Variants in TTN observed in about 807,000 individuals in gnomAD.
The protein encoded by TTN is titin, also known as connectin.
Under a neutral mutation model 3,223.0 loss-of-function variants are expected in TTN, and 1,525 were observed. The ratio of observed to expected loss-of-function variants is 0.47; its 90% CI spans 0.45 to 0.49. TTN has a LOEUF of 0.49. Ranked by LOEUF, TTN falls within the 20% of genes least tolerant of loss-of-function variation. The pLI is 0.00. For synonymous variants in TTN, 14,094 were observed against 15,161.0 expected, an observed-to-expected ratio of 0.93 and a Z score of 5.17; for missense variants, 40,786 against 43,424.0, an observed-to-expected ratio of 0.94 and a Z score of 5.40.
chr2:178,747,848 A>G lies in TTN; in HGVS notation c.11311+5276T>C, dbSNP rs143310631. ...ACATTTTTCTTCTCCAGAGGCATGA[A>G]TGTTTGTACTTATTTGTTCACCTGG... On this transcript the variant is annotated intron_variant, in intron 47 of 362. Coordinates refer to ENST00000589042, the MANE Select transcript of TTN (RefSeq NM_001267550.2). 3.0e-5 allele frequency: 48 copies of G among 1,612,840 alleles called. No homozygotes were observed. Among genetic ancestry groups the G allele is most frequent in the Non-Finnish European group, 3.7e-5 (44 of 1,179,440 alleles).
At chr2:178,720,729 C>G in intron 79 of TTN, 66 bp from the exon 80 acceptor site, 3 of 1,465,606 alleles carry the variant, frequency 2.0e-6, no homozygotes, top group Non-Finnish European at 2.7e-6. Flanking sequence ...AAAATTAAAT[C>G]TAGAACCTTG....
chr2:178,663,627 C>G lies in TTN; in HGVS notation c.36532G>C (p.Val12178Leu). 6.2e-7 allele frequency: 1 copy of G among 1,613,706 alleles called. No individual in the cohort carries two copies. Among genetic ancestry groups the G allele is most frequent in the South Asian group, 1.1e-5 (1 of 91,064 alleles). Residue 12178 changes from valine (V) to leucine (L), a missense_variant and splice_region_variant, in exon 171 of 363, where the codon GTG becomes CTG. Physicochemically the swap from Val to Leu is conservative, Grantham distance 32. Transcript: ENST00000589042. ...PKEPEVPPVK[V>L]PEAPKEVVPE... ...GAAGCCTAAAATCAGTGACAAATAC[C>G]TTTAACAGGTGGGACTTCAGGCTCT... is the stretch of plus-strand genomic sequence containing the variant.
At position 178,580,002 on chromosome 2, in the gene TTN, A is replaced by G. The variant is rs879180662; in HGVS notation, c.67285T>C (p.Phe22429Leu). 2 of 1,613,322 alleles carry G rather than the reference A, an allele frequency of 1.2e-6. No individual in the cohort carries two copies. Among genetic ancestry groups the G allele is most frequent in the Non-Finnish European group, 8.5e-7 (1 of 1,179,506 alleles). Reference sequence around the variant, plus strand: ...CCAATGCCATACTCATTTTCAGCAAACACTCGGAAGAAGTAGGATTTTCCC... The same window carrying G: ...CCAATGCCATACTCATTTTCAGCAAGCACTCGGAAGAAGTAGGATTTTCCC... ...EEGKSYFFRV[F>L]AENEYGIGDP... Residue 22429 changes from phenylalanine (F) to leucine (L), a missense_variant, in exon 318 of 363, where the codon TTT becomes CTT. Transcript: ENST00000589042.
At chr2:178,630,724 G>A in intron 238 of TTN, 80 bp downstream of exon 238, 2 of 1,532,608 alleles carry the variant, frequency 1.3e-6, no homozygotes, top group Non-Finnish European at 1.8e-6. Context: ...TAAATGTCCT[G>A]CATCCACTCT....
Position 178,573,467 on chromosome 2 carries a change from G to C in TTN, c.72665C>G (p.Pro24222Arg). ...EPVLAVNPYGPPDPPKNPEVT... is the reference protein window; with the variant it reads ...EPVLAVNPYGRPDPPKNPEVT... ...TTCAGGGTTTTTGGGCGGATCAGGG[G>C]GTCCATAAGGATTCACTGCAAGCAC... is the stretch of plus-strand genomic sequence containing the variant. The change falls in exon 326 of 363, where the codon CCC becomes CGC. Residue 24222 changes from proline to arginine, a missense_variant. By Grantham distance (103) the Pro-to-Arg change is moderately radical. Coordinates refer to ENST00000589042, the MANE Select transcript of TTN (RefSeq NM_001267550.2). The C allele has an allele frequency of 6.6e-7, 1 of 1,508,582 alleles. No homozygotes were observed. 93.4% of individuals were successfully genotyped at this position (1,508,582 alleles called of 1,614,324 possible).
At position 178,636,607 on chromosome 2, in the gene TTN, T is replaced by C; in HGVS notation, c.41120A>G (p.Glu13707Gly). Residue 13707 changes from glutamate (E) to glycine (G), a missense_variant, in exon 225 of 363, where the codon GAA becomes GGA. Coordinates refer to ENST00000589042, the MANE Select transcript of TTN (RefSeq NM_001267550.2). This position sits in a 1 kb window ranked among gnomAD's most constrained non-coding sequence, Gnocchi z 4.3. ...SEFVGSSAIF[E>G]CLVSPSTAIT... ...TGCAGTGGAAGGGGAGACCAAACAT[T>C]CAAAGATTGCTGAAGAGCCAACGAA... is the stretch of plus-strand genomic sequence containing the variant. 1.9e-6 allele frequency: 3 copies of C among 1,613,424 alleles called. No homozygotes were observed. The highest frequency in any genetic ancestry group is 2.5e-6 in the Non-Finnish European group (3 of 1,179,588).
chr2:178,534,006 A>G lies in TTN; in HGVS notation c.102609T>C (p.Asp34203=), dbSNP rs879218563. ...ILYVKDITKL[D]DGTYRCKVVN... ...CTACTTTGCATCTGTAGGTACCATC[A>G]TCTAATTTGGTAATGTCTTTGACAT... The change falls in exon 358 of 363, where the codon GAT becomes GAC. Residue 34203 remains aspartate, a synonymous_variant. Transcript: ENST00000589042. 1.2e-6 allele frequency: 2 copies of G among 1,613,802 alleles called. No individual in the cohort carries two copies. Among genetic ancestry groups the G allele is most frequent in the Non-Finnish European group, 1.7e-6 (2 of 1,179,864 alleles).
At chr2:178,640,480 T>G in intron 221 of TTN, 61 bp downstream of exon 221, 1 of 1,401,974 alleles carries the variant, frequency 7.1e-7, no homozygotes, top group Non-Finnish European at 1.0e-6. Flanking sequence ...AGTGTAATGA[T>G]ATTTTAAATG....
Position 178,574,422 on chromosome 2 carries a change from C to T in TTN, c.71710G>A (p.Glu23904Lys), listed in dbSNP as rs267599038. 1.2e-6 allele frequency: 2 copies of T among 1,613,536 alleles called. No individual in the cohort carries two copies. The highest frequency in any genetic ancestry group is 1.7e-6 in the Non-Finnish European group (2 of 1,179,628). ...GGCTTACTTTTGCCTGCCATGTTTT[C>T]TGCAATCACCCGGAACTCATAAGCA... is the stretch of plus-strand genomic sequence containing the variant. ...GIAYEFRVIA[E>K]NMAGKSKPSK... Residue 23904 changes from glutamate to lysine, a missense_variant, in exon 326 of 363, where the codon GAA becomes AAA. Coordinates refer to ENST00000589042, the MANE Select transcript of TTN (RefSeq NM_001267550.2).
intron 1 of TTN, 85 bp from the exon 2 acceptor site, chr2:178,804,740 C>T: frequency 3.2e-6 from 4 of 1,241,026 alleles, no homozygotes; most frequent in Non-Finnish European, 4.7e-6. Context: ...ACACACGTTT[C>T]TCCAAATGGA....
rs760360294 is a variant in TTN at position 178,566,857 on chromosome 2, T to C, written c.79275A>G (p.Lys26425=). 1 of 1,613,512 alleles carries C rather than the reference T, an allele frequency of 6.2e-7. No individual in the cohort carries two copies. The highest frequency in any genetic ancestry group is 1.1e-5 in the South Asian group (1 of 91,076). The change falls in exon 326 of 363, where the codon AAA becomes AAG. Residue 26425 remains lysine (K), a synonymous_variant. Transcript: ENST00000589042. ...TCCATCGAATGCCACTTCTGTCTCT[T>C]TTCTCTACAATGTAACCAATAATCT... The part of the protein sequence containing the change: ...GSEIIGYIVE[K]RDRSGIRWIK...
intron 337 of TTN, 22 bp from the exon 338 acceptor site, chr2:178,549,891 G>T (rs770052057): frequency 6.5e-7 from 1 of 1,538,442 alleles, no homozygotes; most frequent in Non-Finnish European, 8.7e-7. Context: ...AGTTTCTAGA[G>T]TTAGTTTCTT....
At position 178,591,272 on chromosome 2, in the gene TTN, G is replaced by A. The variant is rs780004453; in HGVS notation, c.60453C>T (p.Ile20151=). 1.2e-6 allele frequency: 2 copies of A among 1,613,222 alleles called. No individual in the cohort carries two copies. Among genetic ancestry groups the A allele is most frequent in the African/African-American group, 1.3e-5 (1 of 74,984 alleles). Residue 20151 remains isoleucine (I), a synonymous_variant, in exon 304 of 363, where the codon ATC becomes ATT. Transcript: ENST00000589042. ...TGCTACCGGCTGCATTGGAAACTGT[G>A]ATTTGATATTCCCCAGTGTCTCTCC... The part of the protein sequence containing the change: ...CLRRDTGEYQ[I]TVSNAAGSKT...
At position 178,776,632 on chromosome 2, in the gene TTN, T is replaced by C; in HGVS notation, c.5232A>G (p.Pro1744=). ...TACGGAGCCTGTTGGCTGCTTCAAGTGGCTTTCCATCATGGAGCCACTCCA... is the reference window on the plus strand; with the variant it reads ...TACGGAGCCTGTTGGCTGCTTCAAGCGGCTTTCCATCATGGAGCCACTCCA... ...MVVEWLHDGK[P]LEAANRLRMI... is the part of the protein sequence containing the mutation. The change falls in exon 28 of 363, where the codon CCA becomes CCG. Residue 1744 remains proline, a synonymous_variant. Transcript: ENST00000589042. 2 of 1,614,122 alleles carry C rather than the reference T, an allele frequency of 1.2e-6. No homozygotes were observed. The highest frequency in any genetic ancestry group is 1.7e-6 in the Non-Finnish European group (2 of 1,180,022).
chr2:178,678,197 G>A lies in TTN; in HGVS notation c.33922C>T (p.Pro11308Ser), dbSNP rs576319225. 4.4e-6 allele frequency: 7 copies of A among 1,606,792 alleles called. No homozygotes were observed. The highest frequency in any genetic ancestry group is 3.4e-6 in the Non-Finnish European group (4 of 1,177,818). Residue 11308 changes from proline to serine, a missense_variant, in exon 145 of 363, where the codon CCC (proline) becomes TCC (serine). Physicochemically the swap from Pro to Ser is moderately conservative, Grantham distance 74. Transcript: ENST00000589042. ...TTTTCTTCTGGGATGAGCTTCTTGG[G>A]CACCTCTGGCACTTTAAAGATATTA... ...EAPPAKVPEV[P>S]KKLIPEEKKP...
At position 178,570,340 on chromosome 2, in the gene TTN, G is replaced by A. The variant is rs1559389177; in HGVS notation, c.75792C>T (p.Cys25264=). The change falls in exon 326 of 363, where the codon TGC becomes TGT. Residue 25264 remains cysteine, a synonymous_variant. Coordinates refer to ENST00000589042, the MANE Select transcript of TTN (RefSeq NM_001267550.2). ...TGCCTTCAAGAAGCTTAGTAACCTT[G>A]CAGCTGAGAGTCTGCACATTGGCAT... ...VVDANVQTLS[C]KVTKLLEGNE... 1 of 1,613,266 alleles carries A rather than the reference G, an allele frequency of 6.2e-7. No individual in the cohort carries two copies. Among genetic ancestry groups the A allele is most frequent in the Admixed American group, 1.7e-5 (1 of 59,942 alleles).
Position 178,584,902 on chromosome 2 carries a change from G to A in TTN, c.64739C>T (p.Ser21580Leu). Reference protein sequence around the residue: ...SDIDADACSLSWHIPLEDGGS... With the variant: ...SDIDADACSLLWHIPLEDGGS... ...TCCGTCCTCCAGAGGGATGTGCCAT[G>A]ACAGGGAGCAAGCATCAGCGTCTAT... The change falls in exon 310 of 363, where the codon TCA becomes TTA. Residue 21580 changes from serine (S) to leucine (L), a missense_variant. Transcript: ENST00000589042. 6.2e-7 allele frequency: 1 copy of A among 1,613,360 alleles called. No homozygotes were observed.
chr2:178,803,869 A>G (rs182916919), intron 2 of TTN, among the ~76,000 whole-genome samples: 11 of 152,264 alleles, frequency 7.2e-5, no homozygotes, highest in Middle Eastern at 3.4e-3. Flanking sequence ...AAACTGAGTT[A>G]TGAGGAAGAA....
At chr2:178,701,627 C>T (rs778087520) in intron 109 of TTN, 40 bp from the exon 110 acceptor site, 2 of 1,590,950 alleles carry the variant, frequency 1.3e-6, no homozygotes, top group Non-Finnish European at 1.7e-6. Context: ...AGACTGAGAA[C>T]AAGCTATTTA....
Sources: allele counts gnomAD v4.1 joint callset (sites outside exome capture counted in the v4.1 genomes callset), GRCh38; gene constraint gnomAD v4.1.1; non-coding constraint Gnocchi (gnomAD v3.1); transcripts MANE v1.5; gene names NCBI Gene and HGNC (gene_info 2026-07-23, HGNC 2026-07-21).